RTL1: variants seen among roughly 807,000 people sequenced by gnomAD.
RTL1 encodes retrotransposon Gag like 1, also known as retrotransposon-like protein 1.
For missense variants in RTL1, 1,681 were observed against 1,767.5 expected (o/e 0.95, Z 0.88); for synonymous variants, 727 against 748.4 (o/e 0.97, Z 0.47).
Position 100,884,749 on chromosome 14 carries a change from C to G in RTL1, c.40G>C (p.Glu14Gln). Residue 14 changes from glutamate to glutamine, a missense_variant, in exon 4 of 4, where the codon GAG (glutamate) becomes CAG (glutamine). Transcript: ENST00000649591. ...PSEDSFETMM[E>Q]HKNPSSKQME... ...TGTTTTGATGATGGATTCTTATGCTCCATCATCGTCTCAAATGAGTCTTCA... is the reference window on the plus strand; with the variant it reads ...TGTTTTGATGATGGATTCTTATGCTGCATCATCGTCTCAAATGAGTCTTCA... 6.3e-7 allele frequency: 1 copy of G among 1,597,670 alleles called. No homozygotes were observed. The highest frequency in any genetic ancestry group is 1.4e-5 in the African/African-American group (1 of 73,938).
chr14:100,881,917 T>A lies in RTL1; in HGVS notation c.2872A>T (p.Asn958Tyr). 2.5e-6 allele frequency: 4 copies of A among 1,613,610 alleles called. No homozygotes were observed. Among genetic ancestry groups the A allele is most frequent in the Non-Finnish European group, 3.4e-6 (4 of 1,180,030 alleles). The stretch of plus-strand genomic sequence containing the variant: ...AGAAGTACGGTGAGCCTGTCATTAT[T>A]CAGAGAGGCTAGATCCTCTGTGTTG... ...LLNTEDLASL[N>Y]NDRLTVLLPG... Residue 958 changes from asparagine (N) to tyrosine (Y), a missense_variant, in exon 4 of 4, where the codon AAT (asparagine) becomes TAT (tyrosine). Asn to Tyr is a moderately radical substitution (Grantham distance 143). Transcript: ENST00000649591. This position sits in a 1 kb window ranked among gnomAD's most constrained non-coding sequence, Gnocchi z 6.6.
chr14:100,890,464 G>A (rs558145450), intron 3 of RTL1, among the ~76,000 whole-genome samples: 3 of 151,560 alleles, frequency 2.0e-5, no homozygotes, highest in Non-Finnish European at 4.4e-5. Flanking sequence ...GGCCGGGGTG[G>A]GGGAATTAGG....
Position 100,880,901 on chromosome 14 carries a change from C to G in RTL1, c.3888G>C (p.Leu1296=), listed in dbSNP as rs968978160. 1.5e-6 allele frequency: 2 copies of G among 1,293,566 alleles called. No homozygotes were observed. The highest frequency in any genetic ancestry group is 2.2e-4 in the Middle Eastern group (1 of 4,564). 80.1% of individuals were successfully genotyped at this position (1,293,566 alleles called of 1,614,324 possible). The change falls in exon 4 of 4, where the codon CTG becomes CTC. Residue 1296 remains leucine (L), a synonymous_variant. Transcript: ENST00000649591. ...PQVLEFLGSR[L]LHIHSADGQL... Reference sequence around the variant, plus strand: ...GGCCATCTGCACTGTGGATGTGGAGCAGGCGGCTACCAAGGAATTCCAGGA... The same window carrying G: ...GGCCATCTGCACTGTGGATGTGGAGGAGGCGGCTACCAAGGAATTCCAGGA...
Position 100,883,225 on chromosome 14 carries a change from G to A in RTL1, c.1564C>T (p.Arg522Cys), listed in dbSNP as rs1315160307. ...HAPEVDWIKG[R>C]CTFHSPYCLK... ...CAGTAGGGAGAGTGGAAGGTGCAGC[G>A]GCCTTTGATCCAGTCGACTTCGGGG... is the stretch of plus-strand genomic sequence containing the variant. Residue 522 changes from arginine (R) to cysteine (C), a missense_variant, in exon 4 of 4, where the codon CGC becomes TGC. Coordinates refer to ENST00000649591, the MANE Select transcript of RTL1 (RefSeq NM_001134888.3). This position sits in a 1 kb window ranked among gnomAD's most constrained non-coding sequence, Gnocchi z 5.9. The A allele has an allele frequency of 1.3e-6, 2 of 1,553,188 alleles. No individual in the cohort carries two copies. The highest frequency in any genetic ancestry group is 2.4e-5 in the East Asian group (1 of 41,040).
At chr14:100,888,074 C>T (rs543959937) in intron 3 of RTL1, among the ~76,000 whole-genome samples, 275 of 152,228 alleles carry the variant, frequency 1.8e-3, no homozygotes, top group African/African-American at 6.5e-3. Flanking sequence ...AAACCCTCAT[C>T]AATTTACTTC....
chr14:100,883,680 A>C lies in RTL1; in HGVS notation c.1109T>G (p.Leu370Arg). 1 of 1,551,568 alleles carries C rather than the reference A, an allele frequency of 6.4e-7. No individual in the cohort carries two copies. The highest frequency in any genetic ancestry group is 8.7e-7 in the Non-Finnish European group (1 of 1,146,984). The change falls in exon 4 of 4, where the codon CTG becomes CGG. Residue 370 changes from leucine to arginine, a missense_variant. By Grantham distance (102) the Leu-to-Arg change is moderately radical. Transcript: ENST00000649591. This position sits in a 1 kb window ranked among gnomAD's most constrained non-coding sequence, Gnocchi z 5.9. ...KLAERRAMLR[L>R]PPEARPRNLT... ...GTTCCGGGGGCGGGCCTCGGGGGGC[A>C]GCCTGAGCATAGCTCTTCTCTCTGC... is the stretch of plus-strand genomic sequence containing the variant.
rs2038651196 is a variant in RTL1 at position 100,883,514 on chromosome 14, G to T, written c.1275C>A (p.Val425=). 1 of 1,551,388 alleles carries T rather than the reference G, an allele frequency of 6.4e-7. No individual in the cohort carries two copies. The highest frequency in any genetic ancestry group is 1.4e-5 in the African/African-American group (1 of 73,034). ...CAGCTCCCGAATCCACCAGGGCCTG[G>T]ACCGCGACGCTGTGGTAGGGGTTCA... The part of the protein sequence containing the change: ...VRVNPYHSVA[V]QALVDSGADG... Residue 425 remains valine, a synonymous_variant, in exon 4 of 4, where the codon GTC becomes GTA. Transcript: ENST00000649591. The surrounding 1 kb of genome is among the most constrained non-coding windows in gnomAD (Gnocchi z 5.9).
chr14:100,886,212 C>T (rs760964259), intron 3 of RTL1, among the ~76,000 whole-genome samples: 2 of 143,756 alleles, frequency 1.4e-5, no homozygotes, highest in South Asian at 2.1e-4. Flanking sequence ...TGGACCCATC[C>T]GTAAAAAAAA....
chr14:100,897,677 G>A (rs1026186651), intron 2 of RTL1: 3 of 188,884 alleles, frequency 1.6e-5, no homozygotes, highest in East Asian at 1.4e-4. Flanking sequence ...AGTATCCTGC[G>A]AGCTGTACAC....
chr14:100,884,009 G>C lies in RTL1; in HGVS notation c.780C>G (p.Asn260Lys). The C allele has an allele frequency of 1.3e-6, 2 of 1,551,746 alleles. No homozygotes were observed. The highest frequency in any genetic ancestry group is 1.7e-6 in the Non-Finnish European group (2 of 1,147,008). ...LEWAKALLQE[N>K]SPLIGDFPAF... ...CTGGGAAGTCTCCGATCAGGGGGCTGTTTTCCTGCAGTAGAGCTTTGGCCC... is the reference window on the plus strand; with the variant it reads ...CTGGGAAGTCTCCGATCAGGGGGCTCTTTTCCTGCAGTAGAGCTTTGGCCC... Residue 260 changes from asparagine (N) to lysine (K), a missense_variant, in exon 4 of 4, where the codon AAC becomes AAG. By Grantham distance (94) the Asn-to-Lys change is moderately conservative. Coordinates refer to ENST00000649591, the MANE Select transcript of RTL1 (RefSeq NM_001134888.3).
Position 100,882,947 on chromosome 14 carries a change from C to A in RTL1, c.1842G>T (p.Ala614=), listed in dbSNP as rs776826109. Residue 614 remains alanine, a synonymous_variant, in exon 4 of 4, where the codon GCG becomes GCT. Coordinates refer to ENST00000649591, the MANE Select transcript of RTL1 (RefSeq NM_001134888.3). ...SETFYECPST[A]PWEPVGARMQ... ...TCCTGGCACCCACAGGTTCCCAAGG[C>A]GCGGTGGAGGGACACTCGTAAAAGG... The A allele has an allele frequency of 2.5e-6, 4 of 1,613,322 alleles. No homozygotes were observed. The highest frequency in any genetic ancestry group is 2.5e-6 in the Non-Finnish European group (3 of 1,179,748).
chr14:100,893,909 G>A lies in RTL1; in HGVS notation c.-148-404C>T, dbSNP rs986575778. On this transcript the variant is annotated intron_variant, in intron 2 of 3. Coordinates refer to ENST00000649591, the MANE Select transcript of RTL1 (RefSeq NM_001134888.3). This position sits in a 1 kb window ranked among gnomAD's most constrained non-coding sequence, Gnocchi z 4.2. ...TAAGTCCAGCCAGAGCGTCAGCCTCGCTGGCGTCCTCACTGGCCATGGCCC... is the reference window on the plus strand; with the variant it reads ...TAAGTCCAGCCAGAGCGTCAGCCTCACTGGCGTCCTCACTGGCCATGGCCC... Among the ~76,000 whole-genome samples, 3 of 152,208 alleles carry A rather than the reference G, an allele frequency of 2.0e-5. No individual in the cohort carries two copies. The highest frequency in any genetic ancestry group is 6.5e-5 in the Admixed American group (1 of 15,290).
chr14:100,894,305 G>A (rs1319601915), intron 2 of RTL1, among the ~76,000 whole-genome samples: 1 of 118,338 alleles, frequency 8.5e-6, no homozygotes, highest in African/African-American at 3.5e-5. Flanking sequence ...GTGAAACTCC[G>A]TCTCAAAAAA....
At chr14:100,890,074 G>GGAAAAAAAAAAAAAAA (rs554899525) in intron 3 of RTL1, among the ~76,000 whole-genome samples, 2 of 123,892 alleles carry the variant, frequency 1.6e-5, no homozygotes, top group Admixed American at 8.7e-5. Flanking sequence ...CGCCTTATTT[G>GGAAAAAAAAAAAAAAA]AAAAAAAAAA....
Position 100,879,921 on chromosome 14 carries a change from T to C in RTL1, c.*791A>G, listed in dbSNP as rs1055554837. 1.1e-4 allele frequency among the ~76,000 whole-genome samples: 17 copies of C among 151,906 alleles called. No homozygotes were observed. Among genetic ancestry groups the C allele is most frequent in the Non-Finnish European group, 4.4e-5 (3 of 67,946 alleles). On this transcript the variant is annotated 3_prime_UTR_variant, in exon 4 of 4. Coordinates refer to ENST00000649591, the MANE Select transcript of RTL1 (RefSeq NM_001134888.3). ...TGTGCCTTCTGGGACTCCATCCCTG[T>C]ATGAGGGGCCCCTGCACCCCTGCAC... is the stretch of plus-strand genomic sequence containing the variant.
intron 2 of RTL1, among the ~76,000 whole-genome samples, chr14:100,899,769 A>C (rs2038917099): frequency 6.6e-6 from 1 of 151,498 alleles, no homozygotes; most frequent in African/African-American, 2.4e-5. Context: ...GATCTCAATG[A>C]GGAAATAACG....
intron 2 of RTL1, among the ~76,000 whole-genome samples, chr14:100,902,432 G>A (rs539220135): frequency 1.3e-5 from 2 of 152,360 alleles, no homozygotes; most frequent in Non-Finnish European, 2.9e-5. Context: ...AGGGGAGGGC[G>A]TGGTGCTCCC....
At chr14:100,889,925 C>T (rs1364891769) in intron 3 of RTL1, among the ~76,000 whole-genome samples, 2 of 152,178 alleles carry the variant, frequency 1.3e-5, no homozygotes, top group Non-Finnish European at 2.9e-5. Context: ...TACCAGCTGG[C>T]CTGCCATAGC....
intron 3 of RTL1, among the ~76,000 whole-genome samples, chr14:100,888,382 G>A (rs962598607): frequency 2.6e-5 from 4 of 152,186 alleles, no homozygotes; most frequent in East Asian, 3.9e-4. Flanking sequence ...CACAAAATGC[G>A]ACATTTTACC....
Sources: allele counts gnomAD v4.1 joint callset (sites outside exome capture counted in the v4.1 genomes callset), GRCh38; gene constraint gnomAD v4.1.1; non-coding constraint Gnocchi (gnomAD v3.1); transcripts MANE v1.5; gene names NCBI Gene and HGNC (gene_info 2026-07-23, HGNC 2026-07-21).